Variants in COX10 observed in about 807,000 individuals in gnomAD.
COX10 encodes the protein protoheme IX farnesyltransferase, mitochondrial.
A neutral mutation model predicts 37.3 loss-of-function variants in COX10; 27 were observed. That is an observed-to-expected ratio of 0.72 (90% CI 0.53 to 1.00). The LOEUF (loss-of-function observed/expected upper bound fraction) is 1.00. COX10 is among the 50% of genes least tolerant of loss of function. The pLI is 0.00. For missense variants in COX10, 475 were observed against 563.2 expected (o/e 0.84, Z 1.59); for synonymous variants, 222 against 229.1 (o/e 0.97, Z 0.28).
At chr17:14,099,318 G>C (rs558337898) in intron 3 of COX10, among the ~76,000 whole-genome samples, 89 of 152,096 alleles carry the variant, frequency 5.9e-4, no homozygotes, top group African/African-American at 2.0e-3. Flanking sequence ...AACTACCATC[G>C]AACCCAGCCA....
chr17:14,137,626 CA>C (rs1216190280), intron 4 of COX10, among the ~76,000 whole-genome samples: 1 of 151,892 alleles, frequency 6.6e-6, no homozygotes, highest in Admixed American at 6.6e-5. Context: ...CTTTCATACA[CA>C]AAATTTTAAG....
rs114655810 is a variant in COX10, at chr17:14,199,742, A to G, written c.929-7068A>G. Among the ~76,000 whole-genome samples the G allele has an allele frequency of 2.9e-3, 443 of 152,244 alleles. 3 individuals are homozygous for G. Among genetic ancestry groups the G allele is most frequent in the African/African-American group, 0.01 (419 of 41,542 alleles). Reference sequence around the variant, plus strand: ...TGTGCAGTTGATAAACTGGCCCCACATCCTCTTCCCTTTATCTGCAGCACC... The same window carrying G: ...TGTGCAGTTGATAAACTGGCCCCACGTCCTCTTCCCTTTATCTGCAGCACC... On this transcript the variant is annotated intron_variant, in intron 6 of 6. Transcript: ENST00000261643.
intron 4 of COX10, among the ~76,000 whole-genome samples, chr17:14,155,931 T>C (rs754988302): frequency 6.6e-6 from 1 of 151,980 alleles, no homozygotes; most frequent in African/African-American, 2.4e-5. Context: ...GTGGCAGTCA[T>C]AGGGATCAAT....
intron 4 of COX10, among the ~76,000 whole-genome samples, chr17:14,142,757 A>AT (rs1428870902): frequency 2.0e-5 from 3 of 152,182 alleles, no homozygotes; most frequent in Admixed American, 6.5e-5. Context: ...TGTATATCAA[A>AT]TCTTTTCTTC....
In COX10 at chr17:14,207,473, A is replaced by G; in HGVS notation, c.*260A>G. ...AGGGTCTTTATACATCTCTCCTCCAACCCCACCCTCTATTCTGTTTCTTCC... is the reference window on the plus strand; with the variant it reads ...AGGGTCTTTATACATCTCTCCTCCAGCCCCACCCTCTATTCTGTTTCTTCC... On this transcript the variant is annotated 3_prime_UTR_variant, in exon 7 of 7. Transcript: ENST00000261643. 1 of 456,246 alleles carries G rather than the reference A, an allele frequency of 2.2e-6. No individual in the cohort carries two copies. The highest frequency in any genetic ancestry group is 3.2e-5 in the South Asian group (1 of 30,976). 28.3% of individuals were successfully genotyped at this position (456,246 alleles called of 1,614,324 possible). A position where few individuals can be genotyped will look rare whatever the true frequency, so the allele number is the denominator to read the frequency against.
At chr17:14,138,142 T>G (rs60901766) in intron 4 of COX10, among the ~76,000 whole-genome samples, 1 of 152,150 alleles carries the variant, frequency 6.6e-6, no homozygotes, top group African/African-American at 2.4e-5. Flanking sequence ...TATTGGCTTG[T>G]AGCTCTTGAT....
At chr17:14,183,325 T>C (rs1905922196) in intron 5 of COX10, among the ~76,000 whole-genome samples, 2 of 152,174 alleles carry the variant, frequency 1.3e-5, no homozygotes, top group Non-Finnish European at 2.9e-5. Flanking sequence ...TTAGTCTTTT[T>C]CTGACCACCC....
chr17:14,118,277 G>T (rs930484529), intron 4 of COX10, among the ~76,000 whole-genome samples: 1 of 151,806 alleles, frequency 6.6e-6, no homozygotes, highest in Non-Finnish European at 1.5e-5. Context: ...CAAGGACCCT[G>T]CCCTTCTCTA....
intron 4 of COX10, among the ~76,000 whole-genome samples, chr17:14,124,487 A>G (rs1218855320): frequency 6.6e-6 from 1 of 152,186 alleles, no homozygotes; most frequent in East Asian, 1.9e-4. Flanking sequence ...TCAGAATATT[A>G]GAGTTTGGGA....
intron 4 of COX10, among the ~76,000 whole-genome samples, chr17:14,113,316 T>A (rs1229185437): frequency 6.6e-6 from 1 of 152,086 alleles, no homozygotes; most frequent in Non-Finnish European, 1.5e-5. Context: ...CTCTGCCCCC[T>A]TGTGCCTTCC....
intron 4 of COX10, among the ~76,000 whole-genome samples, chr17:14,111,025 GTTAA>G (rs1483642205): frequency 1.3e-5 from 2 of 152,124 alleles, no homozygotes; most frequent in African/African-American, 2.4e-5. Flanking sequence ...TAGAGCAGAT[GTTAA>G]TTGTTATACC....
chr17:14,097,488 G>T (rs7214862), intron 3 of COX10, among the ~76,000 whole-genome samples: 131,503 of 152,072 alleles, frequency 0.86, 56,967 homozygotes, highest in East Asian at 0.98. Context: ...CACCGTTCTT[G>T]TCCCTTTGTT....
At chr17:14,197,542 G>A (rs748075376) in intron 6 of COX10, among the ~76,000 whole-genome samples, 2 of 152,226 alleles carry the variant, frequency 1.3e-5, no homozygotes, top group Admixed American at 1.3e-4. Flanking sequence ...GTGTCTGACC[G>A]GCCCACTTCG....
chr17:14,198,055 G>A (rs185092402), intron 6 of COX10, among the ~76,000 whole-genome samples: 111 of 152,198 alleles, frequency 7.3e-4, no homozygotes, highest in Admixed American at 2.2e-3. Context: ...TAAGATTCAG[G>A]AAAGGCAGAA....
At chr17:14,134,756 A>G (rs907862143) in intron 4 of COX10, among the ~76,000 whole-genome samples, 11 of 151,522 alleles carry the variant, frequency 7.3e-5, no homozygotes, top group African/African-American at 2.4e-4. Flanking sequence ...CTAGACATGG[A>G]TAAATTAATT....
chr17:14,188,574 C>T (rs1906109399), intron 5 of COX10, among the ~76,000 whole-genome samples: 3 of 151,636 alleles, frequency 2.0e-5, no homozygotes, highest in Non-Finnish European at 4.4e-5. Flanking sequence ...AAAGAACTCA[C>T]AGAGTCCTGG....
At position 14,103,472 on chromosome 17, in the gene COX10, T is replaced by A. The variant is rs769001345; in HGVS notation, c.624+1230T>A. 2.0e-4 allele frequency among the ~76,000 whole-genome samples: 31 copies of A among 152,280 alleles called. 1 individual carries two copies. In the Middle Eastern group the frequency reaches 0.01, roughly 50 times the overall value. ...CTTTTCGTAAATTGAAAAGCCACAT[T>A]TATCCTTGAGATACTAATTATCTTA... On this transcript the variant is annotated intron_variant, in intron 4 of 6. Transcript: ENST00000261643.
At chr17:14,206,000 C>T (rs1906686825) in intron 6 of COX10, among the ~76,000 whole-genome samples, 1 of 152,132 alleles carries the variant, frequency 6.6e-6, no homozygotes, top group Non-Finnish European at 1.5e-5. Flanking sequence ...TATCATTGTA[C>T]TCTGGGACCG....
intron 4 of COX10, among the ~76,000 whole-genome samples, chr17:14,151,782 G>A (rs1904906390): frequency 6.6e-6 from 1 of 152,140 alleles, no homozygotes; most frequent in Admixed American, 6.6e-5. Flanking sequence ...GAATGTTCAG[G>A]CAGAACCTTT....
Sources: allele counts gnomAD v4.1 joint callset (sites outside exome capture counted in the v4.1 genomes callset), GRCh38; gene constraint gnomAD v4.1.1; transcripts MANE v1.5; gene names NCBI Gene and HGNC (gene_info 2026-07-23, HGNC 2026-07-21).